Variants in BNIP3L observed in about 807,000 individuals in gnomAD.
BNIP3L encodes the protein BCL2 interacting protein 3 like.
BNIP3L carries 10 observed loss-of-function variants against 25.5 expected under a neutral mutation model. That is an observed-to-expected ratio of 0.39 (90% CI 0.24 to 0.67). The LOEUF (loss-of-function observed/expected upper bound fraction) is 0.67, where lower values mean the gene tolerates loss of function less well. Among genes scored for constraint, BNIP3L ranks in the 30% least tolerant of loss-of-function variants. BNIP3L has a pLI of 0.45. For missense variants in BNIP3L, 215 were observed against 270.9 expected, an observed-to-expected ratio of 0.79 and a Z score of 1.45; for synonymous variants, 113 against 101.2, an observed-to-expected ratio of 1.12 and a Z score of -0.70.
chr8:26,394,416 CATT>C (rs1806184136), intron 2 of BNIP3L, among the ~76,000 whole-genome samples: 2 of 152,170 alleles, frequency 1.3e-5, no homozygotes, highest in South Asian at 4.2e-4. Context: ...TCTTAAAAAT[CATT>C]AGGGACCCCA....
chr8:26,392,358 A>G (rs998174533), intron 2 of BNIP3L, among the ~76,000 whole-genome samples: 1 of 152,154 alleles, frequency 6.6e-6, no homozygotes, highest in African/African-American at 2.4e-5. Context: ...AACAGTGACT[A>G]TTTTTAGGAA....
intron 3 of BNIP3L, chr8:26,395,635 T>C (rs58698241): frequency 0.021 from 5,076 of 241,868 alleles, 258 homozygotes; most frequent in African/African-American, 0.11. Context: ...GATGGCTGAA[T>C]AGGAACAGCT....
chr8:26,391,469 G>T, intron 2 of BNIP3L, 43 bp downstream of exon 2: 1 of 1,459,826 alleles, frequency 6.9e-7, no homozygotes, highest in Non-Finnish European at 9.1e-7. Context: ...GAAACAGGTG[G>T]GTTACAGGGC....
chr8:26,409,577 G>T (rs1424775452), intron 5 of BNIP3L, among the ~76,000 whole-genome samples: 1 of 152,184 alleles, frequency 6.6e-6, no homozygotes, highest in African/African-American at 2.4e-5. Context: ...CTGTGTGACT[G>T]TTGCGTGGGG....
intron 1 of BNIP3L, among the ~76,000 whole-genome samples, chr8:26,387,465 T>G (rs1806016437): frequency 6.6e-6 from 1 of 152,216 alleles, no homozygotes; most frequent in African/African-American, 2.4e-5. Context: ...TTTGTGTTGC[T>G]TGGACAGCAC....
chr8:26,409,240 C>G (rs867375804), intron 5 of BNIP3L, among the ~76,000 whole-genome samples: 2 of 151,414 alleles, frequency 1.3e-5, no homozygotes, highest in Admixed American at 6.6e-5. Flanking sequence ...GCTTTTTTTC[C>G]TTGATTTAAA....
At chr8:26,393,308 G>A (rs1307301008) in intron 2 of BNIP3L, among the ~76,000 whole-genome samples, 1 of 150,098 alleles carries the variant, frequency 6.7e-6, no homozygotes, top group African/African-American at 2.5e-5. Flanking sequence ...AGAAATATTT[G>A]TGTTGCCGCA....
At chr8:26,401,731 A>G (rs912016722) in intron 3 of BNIP3L, among the ~76,000 whole-genome samples, 4 of 152,142 alleles carry the variant, frequency 2.6e-5, no homozygotes, top group African/African-American at 9.7e-5. Flanking sequence ...AAATTTATCT[A>G]AATTATGCAG....
intron 1 of BNIP3L, among the ~76,000 whole-genome samples, chr8:26,384,842 T>G (rs1805954576): frequency 6.7e-6 from 1 of 150,254 alleles, no homozygotes; most frequent in Admixed American, 6.7e-5. Flanking sequence ...GGACTACAGG[T>G]GCCTGCCACC....
chr8:26,394,924 A>G (rs1806199752), intron 2 of BNIP3L, among the ~76,000 whole-genome samples: 1 of 152,244 alleles, frequency 6.6e-6, no homozygotes, highest in African/African-American at 2.4e-5. Flanking sequence ...TTTAGTGGAC[A>G]AAAGAGTAAA....
chr8:26,409,048 C>CT (rs906593257), intron 5 of BNIP3L, among the ~76,000 whole-genome samples: 1 of 150,850 alleles, frequency 6.6e-6, no homozygotes, highest in Non-Finnish European at 1.5e-5. Flanking sequence ...GTGCAAATAC[C>CT]TTTTTTTCAT....
intron 1 of BNIP3L, among the ~76,000 whole-genome samples, chr8:26,385,830 A>C (rs978302275): frequency 4.6e-5 from 7 of 152,150 alleles, no homozygotes; most frequent in African/African-American, 9.7e-5. Context: ...GAGCTTTCTG[A>C]AAAGCTTTTA....
At chr8:26,409,500 T>A (rs999782582) in intron 5 of BNIP3L, among the ~76,000 whole-genome samples, 1 of 152,202 alleles carries the variant, frequency 6.6e-6, no homozygotes, top group African/African-American at 2.4e-5. Context: ...GTGCTTGATC[T>A]GCTTTTGTGA....
At chr8:26,383,622 C>T (rs558180354) in intron 1 of BNIP3L, 1 of 210,666 alleles carries the variant, frequency 4.7e-6, no homozygotes, top group Non-Finnish European at 6.6e-6. Flanking sequence ...GGACGTGCGG[C>T]GGGGACGCCG....
chr8:26,391,025 A>G (rs563625061), intron 1 of BNIP3L, among the ~76,000 whole-genome samples: 13 of 152,272 alleles, frequency 8.5e-5, no homozygotes, highest in Middle Eastern at 3.4e-3. Context: ...GATGTTTTAG[A>G]GTTTGAGCTG....
rs371069829 is a variant in BNIP3L, at chr8:26,391,279, G to A, written c.137G>A (p.Gly46Asp). 7 of 1,611,532 alleles carry A rather than the reference G, an allele frequency of 4.3e-6. 1 individual carries two copies. Among genetic ancestry groups the A allele is most frequent in the South Asian group, 3.3e-5 (3 of 90,486 alleles). ...WVELPMNSSN[G>D]NDNGNGKNGG... is the part of the protein sequence containing the mutation. ...GAGCTACCCATGAACAGCAGCAATG[G>A]CAATGATAATGGCAATGGGAAAAAT... The change falls in exon 2 of 6, where the codon GGC becomes GAC. Residue 46 changes from glycine to aspartate, a missense_variant. Gly to Asp is a moderately conservative substitution (Grantham distance 94). Transcript: ENST00000380629.
chr8:26,383,264 G>T (rs764076579), intron 1 of BNIP3L, 34 bp downstream of exon 1: 8 of 1,586,746 alleles, frequency 5.0e-6, no homozygotes, highest in South Asian at 1.1e-5. Context: ...TGAAGGGGAT[G>T]GGGGAGGAGG....
intron 1 of BNIP3L, among the ~76,000 whole-genome samples, chr8:26,388,510 C>G (rs1444403222): frequency 1.3e-5 from 2 of 152,130 alleles, no homozygotes; most frequent in Non-Finnish European, 2.9e-5. Flanking sequence ...AGTAGAAATG[C>G]TTTCAGTTAT....
At chr8:26,395,357 C>CGA (rs1806210438) in intron 3 of BNIP3L, 55 bp downstream of exon 3, 2 of 1,553,086 alleles carry the variant, frequency 1.3e-6, no homozygotes, top group Non-Finnish European at 1.8e-6. Flanking sequence ...TGTAAATTCT[C>CGA]TAAGTATATT....
Sources: gnomAD v4.1 joint callset for allele counts (sites outside exome capture counted in the v4.1 genomes callset) on GRCh38, gnomAD v4.1.1 for gene constraint, MANE v1.5 for transcripts, NCBI Gene and HGNC (gene_info 2026-07-23, HGNC 2026-07-21) for gene names.